Variants in HS6ST3 observed in about 807,000 individuals in gnomAD.
HS6ST3 encodes the protein heparan sulfate 6-O-sulfotransferase 3.
A neutral mutation model predicts 36.7 loss-of-function variants in HS6ST3; 12 were observed. The ratio of observed to expected loss-of-function variants is 0.33; its 90% CI spans 0.21 to 0.53. HS6ST3 has a LOEUF of 0.53. Among genes scored for constraint, HS6ST3 ranks in the 20% least tolerant of loss-of-function variants. The pLI, the probability that HS6ST3 is intolerant of heterozygous loss-of-function variation, is 0.95. For missense variants in HS6ST3, 584 were observed against 640.9 expected (o/e 0.91, Z 0.96); for synonymous variants, 240 against 257.5 (o/e 0.93, Z 0.65).
In HS6ST3 at chr13:96,837,407, A is replaced by G. The variant is rs1355028293; in HGVS notation, c.*4209A>G. The G allele has an allele frequency of 1.3e-5, 2 of 151,988 alleles. No homozygotes were observed. Among genetic ancestry groups the G allele is most frequent in the African/African-American group, 4.8e-5 (2 of 41,412 alleles). 9.4% of individuals were successfully genotyped at this position (151,988 alleles called of 1,614,324 possible). On this transcript the variant is annotated 3_prime_UTR_variant, in exon 2 of 2. Transcript: ENST00000376705. ...GCTAGTTTGGGATGGAGAGTCAGATATGTTGAAAGATTTCCCAACGACTCT... is the reference window on the plus strand; with the variant it reads ...GCTAGTTTGGGATGGAGAGTCAGATGTGTTGAAAGATTTCCCAACGACTCT...
intron 1 of HS6ST3, among the ~76,000 whole-genome samples, chr13:96,788,955 G>T (rs1877717254): frequency 6.6e-6 from 1 of 151,706 alleles, no homozygotes; most frequent in South Asian, 2.1e-4. Context: ...CATATAATTG[G>T]ATCTTGTATT....
intron 1 of HS6ST3, among the ~76,000 whole-genome samples, chr13:96,506,745 A>G (rs1340261427): frequency 2.0e-5 from 3 of 152,162 alleles, no homozygotes; most frequent in African/African-American, 7.2e-5. Flanking sequence ...TGCTGGCATT[A>G]TGGTTTTCAG....
At chr13:96,580,569 T>C (rs540883092) in intron 1 of HS6ST3, among the ~76,000 whole-genome samples, 1 of 152,250 alleles carries the variant, frequency 6.6e-6, no homozygotes, top group African/African-American at 2.4e-5. Flanking sequence ...TTTTTGACTT[T>C]GAACCTTTTA....
intron 1 of HS6ST3, among the ~76,000 whole-genome samples, chr13:96,444,461 C>G (rs2055688790): frequency 6.6e-6 from 1 of 152,166 alleles, no homozygotes; most frequent in South Asian, 2.1e-4. Flanking sequence ...TTTACTTAAA[C>G]AGTGAGGTCT....
chr13:96,651,516 A>G lies in HS6ST3; in HGVS notation c.708-180974A>G, dbSNP rs139751974. Among the ~76,000 whole-genome samples, 329 of 152,112 alleles carry G rather than the reference A, an allele frequency of 2.2e-3. 1 individual carries two copies. The highest frequency in any genetic ancestry group is 3.7e-3 in the Non-Finnish European group (251 of 67,948). On this transcript the variant is annotated intron_variant, in intron 1 of 1. Transcript: ENST00000376705. Reference sequence around the variant, plus strand: ...CTCCAGGTGTATGAATCAAGCGGCCATCCATGAGCATGCTGTACCCTCCTC... The same window carrying G: ...CTCCAGGTGTATGAATCAAGCGGCCGTCCATGAGCATGCTGTACCCTCCTC...
intron 1 of HS6ST3, among the ~76,000 whole-genome samples, chr13:96,128,853 GCTT>G (rs1418213106): frequency 6.7e-6 from 1 of 148,908 alleles, no homozygotes; most frequent in Non-Finnish European, 1.5e-5. Flanking sequence ...TTTCCCCTGT[GCTT>G]TTTTTTTTTG....
intron 1 of HS6ST3, among the ~76,000 whole-genome samples, chr13:96,753,745 G>A (rs1876756710): frequency 6.6e-6 from 1 of 152,118 alleles, no homozygotes; most frequent in Non-Finnish European, 1.5e-5. Context: ...TCCAATAGAA[G>A]CAGATAGTGG....
At chr13:96,431,399 G>A (rs1171910787) in intron 1 of HS6ST3, among the ~76,000 whole-genome samples, 2 of 152,186 alleles carry the variant, frequency 1.3e-5, no homozygotes, top group Non-Finnish European at 2.9e-5. Context: ...CAGTGGGAAT[G>A]TCCAATCCCT....
At chr13:96,307,257 T>C (rs1291011069) in intron 1 of HS6ST3, among the ~76,000 whole-genome samples, 1 of 152,180 alleles carries the variant, frequency 6.6e-6, no homozygotes, top group African/African-American at 2.4e-5. Context: ...TTTCCTGCAT[T>C]CATAATCTTA....
intron 1 of HS6ST3, among the ~76,000 whole-genome samples, chr13:96,741,134 A>G (rs931461011): frequency 3.9e-5 from 6 of 152,206 alleles, no homozygotes; most frequent in African/African-American, 4.8e-5. Flanking sequence ...TCTTTTAGAA[A>G]AGTGTATAAT....
chr13:96,645,918 T>C (rs2056587015), intron 1 of HS6ST3, among the ~76,000 whole-genome samples: 1 of 151,966 alleles, frequency 6.6e-6, no homozygotes, highest in Non-Finnish European at 1.5e-5. Context: ...AGTGGTCTAC[T>C]TGGGACTAGG....
chr13:96,370,072 A>G (rs1182423298), intron 1 of HS6ST3, among the ~76,000 whole-genome samples: 2 of 152,146 alleles, frequency 1.3e-5, no homozygotes, highest in African/African-American at 2.4e-5. Flanking sequence ...CCCTGGCTGC[A>G]TATTAGGACC....
chr13:96,193,069 C>G (rs973298055), intron 1 of HS6ST3, among the ~76,000 whole-genome samples: 8 of 152,140 alleles, frequency 5.3e-5, no homozygotes, highest in Admixed American at 1.3e-4. Flanking sequence ...CTAGTCCTGT[C>G]TCTAGCACTT....
intron 1 of HS6ST3, among the ~76,000 whole-genome samples, chr13:96,546,773 G>T (rs564059103): frequency 6.6e-6 from 1 of 152,098 alleles, no homozygotes; most frequent in East Asian, 1.9e-4. Flanking sequence ...TGGTGCCCCA[G>T]GTGAATCTCA....
chr13:96,283,407 A>G lies in HS6ST3; in HGVS notation c.707+191838A>G, dbSNP rs1238335883. 5.3e-5 allele frequency among the ~76,000 whole-genome samples: 8 copies of G among 152,158 alleles called. No homozygotes were observed. In the South Asian group the frequency reaches 1.0e-3, roughly 20 times the overall value. Reference sequence around the variant, plus strand: ...TGTTTCCTCATTTTTGAAAATGTTTATCATGTAATATTTGAACATATAAAC... The same window carrying G: ...TGTTTCCTCATTTTTGAAAATGTTTGTCATGTAATATTTGAACATATAAAC... On this transcript the variant is annotated intron_variant, in intron 1 of 1. Transcript: ENST00000376705.
chr13:96,091,354 C>T lies in HS6ST3; in HGVS notation c.492C>T (p.His164=), dbSNP rs1161357078. The T allele has an allele frequency of 1.2e-6, 2 of 1,613,986 alleles. No homozygotes were observed. The highest frequency in any genetic ancestry group is 2.7e-5 in the African/African-American group (2 of 74,928). Reference sequence around the variant, plus strand: ...CGGGGGGCACCACTTTCGGCCGGCACCTGGTGAAGAACATCCGGCTGGAGC... The same window carrying T: ...CGGGGGGCACCACTTTCGGCCGGCATCTGGTGAAGAACATCCGGCTGGAGC... ...QKTGGTTFGR[H]LVKNIRLEQP... Residue 164 remains histidine, a synonymous_variant, in exon 1 of 2, where the codon CAC becomes CAT. Coordinates refer to ENST00000376705, the MANE Select transcript of HS6ST3 (RefSeq NM_153456.4).
intron 1 of HS6ST3, among the ~76,000 whole-genome samples, chr13:96,810,162 C>A (rs1878287137): frequency 6.6e-6 from 1 of 152,210 alleles, no homozygotes; most frequent in African/African-American, 2.4e-5. Context: ...GCCTCCCGGG[C>A]AGCCTGACAG....
At chr13:96,637,020 G>T (rs2056552334) in intron 1 of HS6ST3, among the ~76,000 whole-genome samples, 2 of 151,868 alleles carry the variant, frequency 1.3e-5, no homozygotes, top group South Asian at 4.2e-4. Context: ...TAAAAAAAAA[G>T]AATACAAGTG....
intron 1 of HS6ST3, among the ~76,000 whole-genome samples, chr13:96,263,638 T>A (rs9554331): frequency 0.065 from 9,930 of 152,296 alleles, 407 homozygotes; most frequent in East Asian, 0.16. Context: ...AATGAGGATA[T>A]TTTTAGTGCC....
Sources: gnomAD v4.1 joint callset for allele counts (sites outside exome capture counted in the v4.1 genomes callset) on GRCh38, gnomAD v4.1.1 for gene constraint, MANE v1.5 for transcripts, NCBI Gene and HGNC (gene_info 2026-07-23, HGNC 2026-07-21) for gene names.